RIGI: variants seen among roughly 807,000 people sequenced by gnomAD.
RIGI encodes the protein RNA sensor RIG-I.
the RIGI span, among the ~76,000 whole-genome samples, chr9:32,521,139 CAAAAA>C: frequency 1.8e-4 from 6 of 32,780 alleles, no homozygotes; most frequent in South Asian, 2.3e-3. Flanking sequence ...GACACCATCT[CAAAAA>C]AAAAAAAAAA....
chr9:32,494,411 T>C, the RIGI span, among the ~76,000 whole-genome samples: 1 of 152,306 alleles, frequency 6.6e-6, no homozygotes, highest in Non-Finnish European at 1.5e-5. Flanking sequence ...GGAAATTTAC[T>C]TAATATTATT....
chr9:32,458,223 T>C, the RIGI span, among the ~76,000 whole-genome samples: 2 of 152,180 alleles, frequency 1.3e-5, no homozygotes, highest in Non-Finnish European at 2.9e-5. Flanking sequence ...TTTCTAACCC[T>C]TTCTCTGAAA....
the RIGI span, chr9:32,468,049 A>C: frequency 7.8e-6 from 7 of 891,840 alleles, no homozygotes; most frequent in Non-Finnish European, 1.2e-5. Flanking sequence ...TAAGTACTTT[A>C]TATCCATGAT....
the RIGI span, among the ~76,000 whole-genome samples, chr9:32,485,929 G>C: frequency 6.6e-6 from 1 of 152,146 alleles, no homozygotes; most frequent in African/African-American, 2.4e-5. Flanking sequence ...ATCTAACCCT[G>C]TCTCTGTGCT....
the RIGI span, among the ~76,000 whole-genome samples, chr9:32,524,268 A>G: frequency 3.6e-4 from 55 of 152,314 alleles, no homozygotes; most frequent in South Asian, 1.4e-3. Flanking sequence ...GTGCTGAGTA[A>G]ATTACCTCCA....
At chr9:32,524,301 A>G in the RIGI span, among the ~76,000 whole-genome samples, 7 of 152,166 alleles carry the variant, frequency 4.6e-5, no homozygotes, top group African/African-American at 1.7e-4. Context: ...TACTGACACG[A>G]GTTGCTTATT....
chr9:32,499,403 C>A, the RIGI span, among the ~76,000 whole-genome samples: 1 of 146,310 alleles, frequency 6.8e-6, no homozygotes, highest in Non-Finnish European at 1.5e-5. Context: ...TTATTCGTAC[C>A]CACATGGGCA....
At chr9:32,493,517 G>A in the RIGI span, among the ~76,000 whole-genome samples, 10 of 93,006 alleles carry the variant, frequency 1.1e-4, no homozygotes, top group Middle Eastern at 0.013. Context: ...CCAGCTACTC[G>A]AGAGGCGAGG....
chr9:32,515,253 T>C, the RIGI span, among the ~76,000 whole-genome samples: 1 of 150,004 alleles, frequency 6.7e-6, no homozygotes, highest in Non-Finnish European at 1.5e-5. Context: ...CAGAAGTGGA[T>C]GTTGCAGTGA....
chr9:32,514,119 T>C, the RIGI span, among the ~76,000 whole-genome samples: 9 of 152,200 alleles, frequency 5.9e-5, no homozygotes, highest in African/African-American at 2.2e-4. Flanking sequence ...GCTTTTACAC[T>C]TTTGGTGGGA....
the RIGI span, chr9:32,480,153 G>A: frequency 2.0e-6 from 3 of 1,534,090 alleles, no homozygotes; most frequent in Middle Eastern, 1.7e-4. Context: ...TGCAATACAT[G>A]TTTGTTTTGC....
At chr9:32,486,716 C>T in the RIGI span, among the ~76,000 whole-genome samples, 1 of 151,450 alleles carries the variant, frequency 6.6e-6, no homozygotes, top group Non-Finnish European at 1.5e-5. Flanking sequence ...CAGAGGAATG[C>T]AACATGGTTG....
chr9:32,466,282 A>T, the RIGI span: 8 of 1,613,090 alleles, frequency 5.0e-6, no homozygotes, highest in African/African-American at 1.3e-5. Context: ...AGAATAACGT[A>T]GACTTACCTT....
chr9:32,483,435 C>T, the RIGI span, among the ~76,000 whole-genome samples: 1 of 152,092 alleles, frequency 6.6e-6, no homozygotes, highest in East Asian at 1.9e-4. Flanking sequence ...TTCGGACTGG[C>T]AAAAAGGTGG....
chr9:32,517,041 T>C, the RIGI span, among the ~76,000 whole-genome samples: 4 of 152,340 alleles, frequency 2.6e-5, no homozygotes, highest in South Asian at 8.3e-4. Flanking sequence ...TTCTTTGGAA[T>C]CTGGAGTTGG....
chr9:32,463,166 T>C, the RIGI span, among the ~76,000 whole-genome samples: 1 of 152,098 alleles, frequency 6.6e-6, no homozygotes, highest in African/African-American at 2.4e-5. Flanking sequence ...AATTTCCCCT[T>C]CCCCACTTCT....
chr9:32,500,874 GAAA>G, the RIGI span: 6 of 1,614,136 alleles, frequency 3.7e-6, no homozygotes, highest in Non-Finnish European at 4.2e-6. Flanking sequence ...AGGAACTTGA[GAAA>G]AAGTGTGGCA....
the RIGI span, among the ~76,000 whole-genome samples, chr9:32,479,790 T>C: frequency 1.4e-3 from 216 of 151,530 alleles, 1 homozygote; most frequent in African/African-American, 4.9e-3. Flanking sequence ...TGAGCCATGA[T>C]TGAGCCACTG....
chr9:32,491,002 A>G, the RIGI span, among the ~76,000 whole-genome samples: 1 of 152,176 alleles, frequency 6.6e-6, no homozygotes, highest in African/African-American at 2.4e-5. Context: ...GAATTCATAG[A>G]CATTGGGTTT....
Sources: allele counts gnomAD v4.1 joint callset (sites outside exome capture counted in the v4.1 genomes callset), GRCh38; gene constraint gnomAD v4.1.1; transcripts MANE v1.5; gene names NCBI Gene and HGNC (gene_info 2026-07-23, HGNC 2026-07-21).